Variants in TENM4 observed in about 807,000 individuals in gnomAD.
TENM4 encodes teneurin transmembrane protein 4, also known as teneurin-4.
A neutral mutation model predicts 243.3 loss-of-function variants in TENM4; 82 were observed. That is an observed-to-expected ratio of 0.34 (90% CI 0.28 to 0.40). TENM4 has a LOEUF of 0.40. Among genes scored for constraint, TENM4 ranks in the 10% least tolerant of loss-of-function variants. TENM4 has a pLI of 1.00. For synonymous variants in TENM4, 1,412 were observed against 1,456.3 expected, an observed-to-expected ratio of 0.97 and a Z score of 0.69; for missense variants, 3,138 against 3,673.3, an observed-to-expected ratio of 0.85 and a Z score of 3.77.
intron 4 of TENM4, among the ~76,000 whole-genome samples, chr11:79,106,512 A>C (rs1861372871): frequency 6.6e-6 from 1 of 152,220 alleles, no homozygotes; most frequent in African/African-American, 2.4e-5. Context: ...CTACAGGAAG[A>C]AGCATGTGAG....
At chr11:79,154,444 A>C (rs1862564838) in intron 3 of TENM4, among the ~76,000 whole-genome samples, 1 of 152,158 alleles carries the variant, frequency 6.6e-6, no homozygotes, top group African/African-American at 2.4e-5. Flanking sequence ...GCCCACCTCC[A>C]ACACTGGAGG....
At chr11:79,219,696 C>T (rs916472143) in intron 2 of TENM4, among the ~76,000 whole-genome samples, 2 of 152,168 alleles carry the variant, frequency 1.3e-5, no homozygotes, top group African/African-American at 4.8e-5. Flanking sequence ...AAGCTGTAAC[C>T]CTGTGCATGA....
chr11:79,411,147 G>C (rs1165677108), intron 1 of TENM4, among the ~76,000 whole-genome samples: 1 of 152,064 alleles, frequency 6.6e-6, no homozygotes, highest in Non-Finnish European at 1.5e-5. Context: ...AAAGCTTCTG[G>C]GCTAGTAGGA....
At chr11:79,152,178 G>GGTTCACAAATAT (rs1311007131) in intron 3 of TENM4, among the ~76,000 whole-genome samples, 1 of 152,146 alleles carries the variant, frequency 6.6e-6, no homozygotes, top group South Asian at 2.1e-4. Context: ...TGTGTTCCAT[G>GGTTCACAAATAT]GTTCACAAAT....
At chr11:79,236,233 A>C (rs1864469099) in intron 2 of TENM4, among the ~76,000 whole-genome samples, 1 of 152,226 alleles carries the variant, frequency 6.6e-6, no homozygotes, top group South Asian at 2.1e-4. Context: ...TCAGTCCTGT[A>C]GCACAAATTG....
chr11:79,012,235 G>T (rs542874622), intron 6 of TENM4, among the ~76,000 whole-genome samples: 1 of 152,304 alleles, frequency 6.6e-6, no homozygotes, highest in South Asian at 2.1e-4. Context: ...TTTTTAAGCC[G>T]TGTGTATTTG....
At chr11:79,028,452 G>T (rs1293635748) in intron 6 of TENM4, among the ~76,000 whole-genome samples, 1 of 152,214 alleles carries the variant, frequency 6.6e-6, no homozygotes, top group African/African-American at 2.4e-5. Context: ...CTACAATGCG[G>T]CTGCAACACA....
chr11:78,864,152 C>A (rs1451544019), intron 9 of TENM4, among the ~76,000 whole-genome samples: 1 of 152,010 alleles, frequency 6.6e-6, no homozygotes, highest in East Asian at 1.9e-4. Flanking sequence ...TAGCTGTGTC[C>A]TGTGAAGGAT....
Position 78,786,973 on chromosome 11 carries a change from A to G in TENM4, c.2290T>C (p.Cys764Arg), listed in dbSNP as rs1238051499. 1 of 1,592,656 alleles carries G rather than the reference A, an allele frequency of 6.3e-7. No individual in the cohort carries two copies. ...TCGCGGCAGGTCCCATGCTCGGCAC[A>G]GCGCGGGTGGCAGGCCCGCTGGTCG... Reference protein sequence around the residue: ...ACDQRACHPRCAEHGTCRDGK... With the variant: ...ACDQRACHPRRAEHGTCRDGK... Residue 764 changes from cysteine to arginine, a missense_variant, in exon 16 of 34, where the codon TGT becomes CGT. Coordinates refer to ENST00000278550, the MANE Select transcript of TENM4 (RefSeq NM_001098816.3).
At chr11:79,008,112 G>A (rs1054667137) in intron 6 of TENM4, among the ~76,000 whole-genome samples, 1 of 152,202 alleles carries the variant, frequency 6.6e-6, no homozygotes, top group African/African-American at 2.4e-5. Flanking sequence ...AAGCTGGAAC[G>A]TGATGGAGTT....
chr11:78,949,506 G>GA (rs1857071393), intron 6 of TENM4, among the ~76,000 whole-genome samples: 1 of 152,136 alleles, frequency 6.6e-6, no homozygotes, highest in Non-Finnish European at 1.5e-5. Context: ...TTCAAACTTG[G>GA]AAAAAATCCT....
intron 1 of TENM4, among the ~76,000 whole-genome samples, chr11:79,416,304 A>C (rs1371768877): frequency 1.3e-5 from 2 of 152,196 alleles, no homozygotes; most frequent in African/African-American, 4.8e-5. Context: ...TTATGGTTTT[A>C]AGAAGCTGCC....
chr11:78,901,010 G>A (rs1855916997), intron 7 of TENM4, among the ~76,000 whole-genome samples: 2 of 152,120 alleles, frequency 1.3e-5, no homozygotes, highest in Admixed American at 6.5e-5. Context: ...CATTTCAACC[G>A]GGGCTTCAAG....
At chr11:79,002,122 C>A (rs1173159430) in intron 6 of TENM4, among the ~76,000 whole-genome samples, 1 of 152,186 alleles carries the variant, frequency 6.6e-6, no homozygotes, top group Admixed American at 6.5e-5. Context: ...ACATGGGTAC[C>A]TGGTTGTGCT....
intron 7 of TENM4, among the ~76,000 whole-genome samples, chr11:78,896,367 A>G (rs1204830438): frequency 6.6e-6 from 1 of 152,154 alleles, no homozygotes; most frequent in African/African-American, 2.4e-5. Flanking sequence ...AATGGAAAAA[A>G]AAATGAACCA....
intron 3 of TENM4, among the ~76,000 whole-genome samples, chr11:79,165,237 A>G (rs1436120771): frequency 1.3e-5 from 2 of 152,058 alleles, no homozygotes; most frequent in Non-Finnish European, 2.9e-5. Context: ...CATAGTGGTT[A>G]TACTAGTTTA....
chr11:78,671,510 C>T (rs1019361158), intron 31 of TENM4, among the ~76,000 whole-genome samples: 1 of 152,236 alleles, frequency 6.6e-6, no homozygotes, highest in African/African-American at 2.4e-5. Flanking sequence ...TGCAAAGCTA[C>T]CATTTTTTCC....
At chr11:79,267,878 G>A (rs1336643430) in intron 2 of TENM4, among the ~76,000 whole-genome samples, 1 of 152,210 alleles carries the variant, frequency 6.6e-6, no homozygotes, top group African/African-American at 2.4e-5. Context: ...CCAGACACCT[G>A]TATCACCTAT....
intron 4 of TENM4, among the ~76,000 whole-genome samples, chr11:79,131,660 A>G (rs1198168514): frequency 6.6e-6 from 1 of 152,224 alleles, no homozygotes; most frequent in Admixed American, 6.5e-5. Context: ...ACTGGCAACA[A>G]ATAGCACGAT....
Sources: allele counts gnomAD v4.1 joint callset (sites outside exome capture counted in the v4.1 genomes callset), GRCh38; gene constraint gnomAD v4.1.1; transcripts MANE v1.5; gene names NCBI Gene and HGNC (gene_info 2026-07-23, HGNC 2026-07-21).